Variants in ZFC3H1 observed in about 807,000 individuals in gnomAD.
The protein encoded by ZFC3H1 is zinc finger C3H1-type containing, also known as zinc finger C3H1 domain-containing protein.
ZFC3H1 carries 71 observed loss-of-function variants against 243.7 expected under a neutral mutation model. The ratio of observed to expected loss-of-function variants is 0.29; its 90% confidence interval spans 0.24 to 0.36. The LOEUF (loss-of-function observed/expected upper bound fraction) is 0.36. ZFC3H1 is among the 10% of genes least tolerant of loss of function. The pLI, the probability that ZFC3H1 is intolerant of heterozygous loss-of-function variation, is 1.00. For synonymous variants in ZFC3H1, 838 were observed against 813.0 expected (o/e 1.03, Z -0.52); for missense variants, 1,966 against 2,317.1 (o/e 0.85, Z 3.11).
chr12:71,609,767 T>A lies in ZFC3H1; in HGVS notation c.*661A>T, dbSNP rs1328215044. 1.3e-5 allele frequency: 2 copies of A among 152,592 alleles called. No individual in the cohort carries two copies. Among genetic ancestry groups the A allele is most frequent in the East Asian group, 3.9e-4 (2 of 5,194 alleles). The allele number at this position is 152,592 out of a possible 1,614,324, so 9.5% of individuals were successfully genotyped here. On this transcript the variant is annotated 3_prime_UTR_variant, in exon 35 of 35. Coordinates refer to ENST00000378743, the MANE Select transcript of ZFC3H1 (RefSeq NM_144982.5). ...ATTGCACATAATATTTGACCACTCTTAGGTTCTGATGCACTGGCATTTGCA... is the reference window on the plus strand; with the variant it reads ...ATTGCACATAATATTTGACCACTCTAAGGTTCTGATGCACTGGCATTTGCA...
In ZFC3H1 at chr12:71,634,120, G is replaced by A. The variant is rs781108303; in HGVS notation, c.2510+35C>T. ...CACAAAAATGTATTTCTCTACCACA[G>A]GAACAATTAGATATGTGAAGATAAC... On this transcript the variant is annotated intron_variant, in intron 12 of 34. Transcript: ENST00000378743. 2.5e-6 allele frequency: 4 copies of A among 1,586,026 alleles called. No homozygotes were observed. The African/African-American group carries it at 5.4e-5, about 22-fold the overall frequency.
intron 5 of ZFC3H1, 113 bp from the exon 6 acceptor site, chr12:71,642,672 G>C: frequency 8.1e-7 from 1 of 1,229,686 alleles, no homozygotes; most frequent in Non-Finnish European, 1.1e-6. Context: ...TGGTGATTCA[G>C]TTAGATGTGC....
chr12:71,614,594 G>A lies in ZFC3H1; in HGVS notation c.5467C>T (p.Arg1823Ter). 1.2e-6 allele frequency: 2 copies of A among 1,613,084 alleles called. No homozygotes were observed. The highest frequency in any genetic ancestry group is 1.7e-6 in the Non-Finnish European group (2 of 1,179,484). Residue 1823 changes from arginine (R) to a stop codon, truncating the protein, a stop_gained, in exon 30 of 35, where the codon CGA becomes TGA. Coordinates refer to ENST00000378743, the MANE Select transcript of ZFC3H1 (RefSeq NM_144982.5). LOFTEE classifies it high-confidence loss of function. Reference protein sequence around the residue: ...VNRCLVTVPARYPIPFSSADY... With the variant: ...VNRCLVTVPA ...GCACTGCTAAAAGGAATGGGGTATCGGGCAGGGACTGTAACCAAACATCTA... is the reference window on the plus strand; with the variant it reads ...GCACTGCTAAAAGGAATGGGGTATCAGGCAGGGACTGTAACCAAACATCTA...
At position 71,619,961 on chromosome 12, in the gene ZFC3H1, C is replaced by A; in HGVS notation, c.5014G>T (p.Val1672Phe). 1 of 1,600,616 alleles carries A rather than the reference C, an allele frequency of 6.2e-7. No individual in the cohort carries two copies. The highest frequency in any genetic ancestry group is 8.5e-7 in the Non-Finnish European group (1 of 1,171,762). The stretch of plus-strand genomic sequence containing the variant: ...AAGAATTTGCACATATGATAAAAAA[C>A]CTCTGCATTCTGAGGATTTTTTTCA... ...AFEKNPQNAE[V>F]FYHMCKFFIL... The change falls in exon 26 of 35, where the codon GTT (valine) becomes TTT (phenylalanine). Residue 1672 changes from valine to phenylalanine, a missense_variant. This residue lies in a region of ZFC3H1 where 1,383 missense variants were observed against 1,723.7 expected (regional missense o/e 0.80). Coordinates refer to ENST00000378743, the MANE Select transcript of ZFC3H1 (RefSeq NM_144982.5).
chr12:71,643,170 C>T (rs1043931366), intron 5 of ZFC3H1, among the ~76,000 whole-genome samples: 3 of 151,872 alleles, frequency 2.0e-5, no homozygotes, highest in African/African-American at 2.4e-5. Flanking sequence ...GAAAAAGATT[C>T]TATTGGCCTG....
rs1283226219 is a variant in ZFC3H1 at position 71,656,303 on chromosome 12, C to A, written c.1015+582G>T. The A allele has an allele frequency of 1.1e-5, 4 of 367,366 alleles. No individual in the cohort carries two copies. In the East Asian group the frequency reaches 1.6e-4, roughly 15 times the overall value. The allele number at this position is 367,366 out of a possible 1,614,324, so 22.8% of individuals were successfully genotyped here. Reference sequence around the variant, plus strand: ...AAATTTTACTGTATATAAATTATATCTTAATAAAGAGGAAAAGAAAAAACA... The same window carrying A: ...AAATTTTACTGTATATAAATTATATATTAATAAAGAGGAAAAGAAAAAACA... On this transcript the variant is annotated intron_variant, in intron 2 of 34. Coordinates refer to ENST00000378743, the MANE Select transcript of ZFC3H1 (RefSeq NM_144982.5).
intron 1 of ZFC3H1, among the ~76,000 whole-genome samples, chr12:71,661,607 G>A (rs955274985): frequency 4.0e-5 from 6 of 149,578 alleles, no homozygotes; most frequent in Non-Finnish European, 8.9e-5. Flanking sequence ...TCAGCCTCCC[G>A]GGTAGCTGGA....
rs1392671253 is a variant in ZFC3H1, at chr12:71,633,287, A to C, written c.2662T>G (p.Phe888Val). 1.3e-6 allele frequency: 2 copies of C among 1,584,550 alleles called. No homozygotes were observed. Among genetic ancestry groups the C allele is most frequent in the Non-Finnish European group, 1.7e-6 (2 of 1,170,004 alleles). The change falls in exon 13 of 35, where the codon TTT (phenylalanine) becomes GTT (valine). Residue 888 changes from phenylalanine (F) to valine (V), a missense_variant. This residue lies in a region of ZFC3H1 where 1,383 missense variants were observed against 1,723.7 expected (regional missense o/e 0.80). Coordinates refer to ENST00000378743, the MANE Select transcript of ZFC3H1 (RefSeq NM_144982.5). ...TEKILNVNRM[F>V]LKKLQEQIHR... Reference sequence around the variant, plus strand: ...ACTTGTTCCTGAAGCTTCTTCAAAAACATTCTGTTAACATTAAGAATTTTT... The same window carrying C: ...ACTTGTTCCTGAAGCTTCTTCAAAACCATTCTGTTAACATTAAGAATTTTT...
Position 71,614,535 on chromosome 12 carries a change from C to T in ZFC3H1, c.5526G>A (p.Arg1842=). The T allele has an allele frequency of 6.4e-7, 1 of 1,570,300 alleles. No individual in the cohort carries two copies. Among genetic ancestry groups the T allele is most frequent in the Non-Finnish European group, 8.6e-7 (1 of 1,164,050 alleles). ...AAAGAAAAAAGTTTTGAGTTCTTAC[C>T]CTATTATGAAATTCATAGTTGGACC... ...DYWSNYEFHN[R]VIFFYLSCVP... The change falls in exon 30 of 35, where the codon AGG becomes AGA. Residue 1842 remains arginine (R), a splice_region_variant and synonymous_variant. Transcript: ENST00000378743.
chr12:71,626,319 C>T lies in ZFC3H1; in HGVS notation c.4258G>A (p.Val1420Met), dbSNP rs1880165442. 1 of 1,613,976 alleles carries T rather than the reference C, an allele frequency of 6.2e-7. No homozygotes were observed. The highest frequency in any genetic ancestry group is 8.5e-7 in the Non-Finnish European group (1 of 1,179,992). The change falls in exon 22 of 35, where the codon GTG becomes ATG. Residue 1420 changes from valine (V) to methionine (M), a missense_variant. Around this residue, in one of 4 missense-constraint regions of ZFC3H1, gnomAD observed 1,383 missense variants for 1,723.7 expected, o/e 0.80. Coordinates refer to ENST00000378743, the MANE Select transcript of ZFC3H1 (RefSeq NM_144982.5). ...LFSKRGTKDE[V>M]QEMCETAVEY... ...ACAGCTGTTTCACACATTTCCTGCACCTCGTCCTTGGTTCCTCTTTTTGAG... is the reference window on the plus strand; with the variant it reads ...ACAGCTGTTTCACACATTTCCTGCATCTCGTCCTTGGTTCCTCTTTTTGAG...
At chr12:71,611,595 T>C (rs1879771254) in intron 32 of ZFC3H1, 191 bp downstream of exon 32, 1 of 171,308 alleles carries the variant, frequency 5.8e-6, no homozygotes, top group Admixed American at 6.5e-5. Context: ...CAATGAGTAC[T>C]CACTCTCATT....
chr12:71,657,019 T>A lies in ZFC3H1; in HGVS notation c.881A>T (p.Lys294Ile). ...TTTTAATTCAAATGCCTGAAAAGTTTTGACTTGTGTTTTCTCCTCAGGAGC... is the reference window on the plus strand; with the variant it reads ...TTTTAATTCAAATGCCTGAAAAGTTATGACTTGTGTTTTCTCCTCAGGAGC... The part of the protein sequence containing the change: ...EVAPEEKTQV[K>I]TFQAFELKPL... Residue 294 changes from lysine to isoleucine, a missense_variant, in exon 2 of 35, where the codon AAA becomes ATA. Coordinates refer to ENST00000378743, the MANE Select transcript of ZFC3H1 (RefSeq NM_144982.5). The A allele has an allele frequency of 4.3e-6, 7 of 1,613,936 alleles. No homozygotes were observed. Among genetic ancestry groups the A allele is most frequent in the Non-Finnish European group, 5.9e-6 (7 of 1,179,938 alleles).
chr12:71,658,790 A>C (rs1442909129), intron 1 of ZFC3H1, among the ~76,000 whole-genome samples: 1 of 152,158 alleles, frequency 6.6e-6, no homozygotes, highest in African/African-American at 2.4e-5. Flanking sequence ...CTACAGCAAA[A>C]CTGTTCTAGT....
chr12:71,629,500 C>G, intron 19 of ZFC3H1, 109 bp downstream of exon 19: 3 of 714,598 alleles, frequency 4.2e-6, no homozygotes, highest in Non-Finnish European at 6.9e-6. Context: ...GAACATAATA[C>G]CAACAAAATT....
Position 71,630,637 on chromosome 12 carries a change from T to C in ZFC3H1, c.3687A>G (p.Ala1229=). 1 of 1,613,658 alleles carries C rather than the reference T, an allele frequency of 6.2e-7. No homozygotes were observed. The highest frequency in any genetic ancestry group is 8.5e-7 in the Non-Finnish European group (1 of 1,179,808). The change falls in exon 18 of 35, where the codon GCA becomes GCG. Residue 1229 remains alanine, a synonymous_variant. Transcript: ENST00000378743. The stretch of plus-strand genomic sequence containing the variant: ...TAATTTCTTCATTAGTACTTGTCTC[T>C]GCACAACCAATCAAAGACAGATTAT... The part of the protein sequence containing the change: ...LSYNLSLIGC[A]ETSTNEEITA...
At position 71,610,466 on chromosome 12, in the gene ZFC3H1, T is replaced by G. The variant is rs1203231783; in HGVS notation, c.5932A>C (p.Asn1978His). ...EIGVSLNELLNLNSNKTESKN... is the reference protein window; with the variant it reads ...EIGVSLNELLHLNSNKTESKN... The stretch of plus-strand genomic sequence containing the variant: ...CTTTCTGTTTTGTTACTGTTTAAAT[T>G]TAAGAGCTCATTTAGGCTGACTCCA... Residue 1978 changes from asparagine (N) to histidine (H), a missense_variant, in exon 35 of 35, where the codon AAT (asparagine) becomes CAT (histidine). Around this residue, in one of 4 missense-constraint regions of ZFC3H1, gnomAD observed 1,383 missense variants for 1,723.7 expected, o/e 0.80. Coordinates refer to ENST00000378743, the MANE Select transcript of ZFC3H1 (RefSeq NM_144982.5). 6.2e-7 allele frequency: 1 copy of G among 1,613,580 alleles called. No individual in the cohort carries two copies. The highest frequency in any genetic ancestry group is 8.5e-7 in the Non-Finnish European group (1 of 1,179,596).
chr12:71,610,063 C>T lies in ZFC3H1; in HGVS notation c.*365G>A, dbSNP rs951100514. The T allele has an allele frequency of 1.3e-5, 2 of 157,868 alleles. No homozygotes were observed. Among genetic ancestry groups the T allele is most frequent in the African/African-American group, 4.8e-5 (2 of 41,558 alleles). The allele number at this position is 157,868 out of a possible 1,614,324, so 9.8% of individuals were successfully genotyped here. On this transcript the variant is annotated 3_prime_UTR_variant, in exon 35 of 35. Coordinates refer to ENST00000378743, the MANE Select transcript of ZFC3H1 (RefSeq NM_144982.5). ...AAATCCCAAACAGGAATCTCTCAGG[C>T]ATCAGAGAGTGTCAAGTGAGTCAGG...
intron 18 of ZFC3H1, 80 bp downstream of exon 18, chr12:71,630,520 A>G (rs569978736): frequency 1.3e-6 from 2 of 1,504,084 alleles, no homozygotes; most frequent in South Asian, 1.3e-5. Context: ...AGTATTTTAC[A>G]ATGTCAACAA....
intron 31 of ZFC3H1, among the ~76,000 whole-genome samples, chr12:71,612,161 A>T (rs1338805207): frequency 6.6e-6 from 1 of 151,804 alleles, no homozygotes; most frequent in African/African-American, 2.4e-5. Context: ...GCCAAATAAC[A>T]GTCCCTGTTT....
Sources: allele counts gnomAD v4.1 joint callset (sites outside exome capture counted in the v4.1 genomes callset), GRCh38; gene constraint gnomAD v4.1.1; regional missense constraint gnomAD v4.1.1; transcripts MANE v1.5; gene names NCBI Gene and HGNC (gene_info 2026-07-23, HGNC 2026-07-21).